Variants in CSMD3 observed in about 807,000 individuals in gnomAD.
CSMD3 encodes CUB and sushi domain-containing protein 3.
A neutral mutation model predicts 435.2 loss-of-function variants in CSMD3; 177 were observed. That is an observed-to-expected ratio of 0.41 (90% CI 0.36 to 0.46). CSMD3 has a LOEUF of 0.46. CSMD3 is among the 20% of genes least tolerant of loss of function. The pLI is 0.34. For missense variants in CSMD3, 4,265 were observed against 4,504.6 expected (o/e 0.95, Z 1.52); for synonymous variants, 1,656 against 1,520.5 (o/e 1.09, Z -2.07).
intron 20 of CSMD3, among the ~76,000 whole-genome samples, chr8:112,641,228 T>C (rs940974516): frequency 3.1e-4 from 47 of 152,190 alleles, no homozygotes; most frequent in Non-Finnish European, 1.2e-4. Flanking sequence ...CTGCTGTTCA[T>C]CAAGTCATGG....
chr8:112,281,078 C>T (rs1818578986), intron 59 of CSMD3, 96 bp downstream of exon 59: 1 of 929,254 alleles, frequency 1.1e-6, no homozygotes, highest in Non-Finnish European at 1.7e-6. Flanking sequence ...TAAAACCTTA[C>T]ATGGTTTTAT....
At chr8:112,296,170 A>G (rs1820247717) in intron 53 of CSMD3, among the ~76,000 whole-genome samples, 164 bp from the exon 54 acceptor site, 1 of 152,238 alleles carries the variant, frequency 6.6e-6, no homozygotes, top group African/African-American at 2.4e-5. Context: ...AATATTTAGC[A>G]AAACAACAAA....
intron 13 of CSMD3, among the ~76,000 whole-genome samples, chr8:112,763,835 A>T (rs2077907137): frequency 6.6e-6 from 1 of 151,228 alleles, no homozygotes; most frequent in African/African-American, 2.4e-5. Context: ...GCTCTGGACA[A>T]GAGTATGAAG....
chr8:113,263,898 T>C (rs1453754951), intron 3 of CSMD3, among the ~76,000 whole-genome samples: 1 of 151,780 alleles, frequency 6.6e-6, no homozygotes, highest in African/African-American at 2.4e-5. Flanking sequence ...AGGCTATTAT[T>C]TTATTCATGC....
In CSMD3 at chr8:112,685,485, A is replaced by G. The variant is rs749576782; in HGVS notation, c.2403T>C (p.Thr801=). ...CCAATCGCAGTATGTGACTATTACT[A>G]GTAAGATGGGAAGGCACCTCAGCCC... The part of the protein sequence containing the change: ...FTGAEVPSHL[T]SNSHILRLEF... The change falls in exon 15 of 71, where the codon ACT becomes ACC. Residue 801 remains threonine (T), a synonymous_variant. Coordinates refer to ENST00000297405, the MANE Select transcript of CSMD3 (RefSeq NM_198123.2). The G allele has an allele frequency of 1.9e-6, 3 of 1,614,054 alleles. No individual in the cohort carries two copies. In the Admixed American group the frequency reaches 5.0e-5, roughly 27 times the overall value.
rs78255657 is a variant in CSMD3 at position 112,293,778 on chromosome 8, T to C, written c.8615-1068A>G. Among the ~76,000 whole-genome samples, 171 of 152,188 alleles carry C rather than the reference T, an allele frequency of 1.1e-3. 2 individuals are homozygous for C. The East Asian group carries it at 0.02, about 18-fold the overall frequency. ...CAACTTCAGTAATAGTGCTTCCTAA[T>C]TGGGCACAGGAAACGACCACAGTCA... On this transcript the variant is annotated intron_variant, in intron 54 of 70. Transcript: ENST00000297405.
At chr8:113,158,420 A>T (rs911153105) in intron 4 of CSMD3, among the ~76,000 whole-genome samples, 4 of 152,050 alleles carry the variant, frequency 2.6e-5, no homozygotes, top group African/African-American at 9.7e-5. Context: ...TTGGCTTTTG[A>T]ATTTTACTTT....
intron 16 of CSMD3, among the ~76,000 whole-genome samples, chr8:112,679,383 C>A (rs1210785527): frequency 6.6e-6 from 1 of 152,080 alleles, no homozygotes; most frequent in African/African-American, 2.4e-5. Context: ...TGGCTCCAAC[C>A]TCATCCTTAG....
In CSMD3 at chr8:113,113,793, C is replaced by T. The variant is rs193195250; in HGVS notation, c.710-14830G>A. On this transcript the variant is annotated intron_variant, in intron 4 of 70. Transcript: ENST00000297405. ...CTACAAATGCGAATCAATAACCCCT[C>T]AAACTAAAATTCATGAAATCAATTC... is the stretch of plus-strand genomic sequence containing the variant. 4.3e-3 allele frequency among the ~76,000 whole-genome samples: 653 copies of T among 152,286 alleles called. 8 individuals carry two copies. Among genetic ancestry groups the T allele is most frequent in the Middle Eastern group, 0.024 (7 of 294 alleles).
intron 11 of CSMD3, among the ~76,000 whole-genome samples, chr8:112,854,172 A>G (rs2080579153): frequency 6.6e-6 from 1 of 152,184 alleles, no homozygotes; most frequent in Non-Finnish European, 1.5e-5. Flanking sequence ...AATTCCATTC[A>G]TTTTAAATAG....
At chr8:112,438,814 A>G (rs1814663053) in intron 32 of CSMD3, among the ~76,000 whole-genome samples, 1 of 152,214 alleles carries the variant, frequency 6.6e-6, no homozygotes, top group Admixed American at 6.5e-5. Flanking sequence ...TTATAACCCC[A>G]TATAGCTACT....
chr8:112,715,515 T>C (rs2076705116), intron 13 of CSMD3, among the ~76,000 whole-genome samples: 1 of 152,172 alleles, frequency 6.6e-6, no homozygotes, highest in Admixed American at 6.5e-5. Flanking sequence ...GCTGGTACCA[T>C]TCCTTCTGAG....
chr8:112,469,453 T>A (rs754711183), intron 32 of CSMD3, among the ~76,000 whole-genome samples: 11 of 151,880 alleles, frequency 7.2e-5, no homozygotes, highest in Admixed American at 2.6e-4. Flanking sequence ...ATGCACTGAG[T>A]GTATTTGACA....
intron 56 of CSMD3, among the ~76,000 whole-genome samples, chr8:112,291,166 T>C (rs1819727435): frequency 1.3e-5 from 2 of 151,946 alleles, no homozygotes; most frequent in East Asian, 3.9e-4. Context: ...AGACTAATTT[T>C]GCCTTAAATG....
At chr8:112,945,072 T>A (rs1337369517) in intron 9 of CSMD3, among the ~76,000 whole-genome samples, 2 of 151,658 alleles carry the variant, frequency 1.3e-5, no homozygotes, top group African/African-American at 4.8e-5. Context: ...AACTCTCAAT[T>A]ATTCTCCAGA....
At chr8:112,328,558 A>G (rs1423479081) in intron 45 of CSMD3, among the ~76,000 whole-genome samples, 3 of 152,190 alleles carry the variant, frequency 2.0e-5, no homozygotes, top group African/African-American at 7.2e-5. Context: ...CGAGAAAGAA[A>G]GTTTCTATCA....
chr8:112,519,841 C>T (rs1824088799), intron 27 of CSMD3, among the ~76,000 whole-genome samples: 1 of 152,050 alleles, frequency 6.6e-6, no homozygotes, highest in Non-Finnish European at 1.5e-5. Context: ...ATCCAAGGGA[C>T]ATTTTTGAAA....
chr8:112,943,927 C>A (rs2083526682), intron 9 of CSMD3, among the ~76,000 whole-genome samples: 1 of 151,528 alleles, frequency 6.6e-6, no homozygotes, highest in Non-Finnish European at 1.5e-5. Flanking sequence ...AGCAAGTTCC[C>A]AAATGCACTG....
intron 31 of CSMD3, among the ~76,000 whole-genome samples, chr8:112,486,312 C>T (rs1820131284): frequency 1.3e-5 from 2 of 151,996 alleles, no homozygotes. Flanking sequence ...AACCAGTCTA[C>T]CTATAGGGCA....
Sources: allele counts gnomAD v4.1 joint callset (sites outside exome capture counted in the v4.1 genomes callset), GRCh38; gene constraint gnomAD v4.1.1; transcripts MANE v1.5; gene names NCBI Gene and HGNC (gene_info 2026-07-23, HGNC 2026-07-21).